Variants in MYL1 observed in about 807,000 individuals in gnomAD.
The protein encoded by MYL1 is myosin light chain 1.
A neutral mutation model predicts 21.8 loss-of-function variants in MYL1; 16 were observed. That is an observed-to-expected ratio of 0.74 (90% CI 0.50 to 1.12). The LOEUF (loss-of-function observed/expected upper bound fraction) is 1.12. Ranked by LOEUF, MYL1 falls within the 50% of genes most tolerant of loss-of-function variation. MYL1 has a pLI of 0.00. For missense variants in MYL1, 246 were observed against 241.0 expected, an observed-to-expected ratio of 1.02 and a Z score of -0.14; for synonymous variants, 99 against 85.2, an observed-to-expected ratio of 1.16 and a Z score of -0.89.
At chr2:210,301,959 A>T (rs1174420594) in intron 2 of MYL1, among the ~76,000 whole-genome samples, 1 of 152,188 alleles carries the variant, frequency 6.6e-6, no homozygotes, top group Non-Finnish European at 1.5e-5. Context: ...ACCAGGAGAC[A>T]TTTAATGTTC....
At chr2:210,306,889 T>C (rs1248363897) in intron 1 of MYL1, among the ~76,000 whole-genome samples, 3 of 150,848 alleles carry the variant, frequency 2.0e-5, no homozygotes, top group Non-Finnish European at 4.4e-5. Context: ...GGGGTTATCA[T>C]GATGGGGTAA....
chr2:210,303,991 T>C (rs1422680956), intron 1 of MYL1, among the ~76,000 whole-genome samples: 1 of 152,158 alleles, frequency 6.6e-6, no homozygotes, highest in Non-Finnish European at 1.5e-5. Flanking sequence ...CAAGTTTTGG[T>C]ATTAATGCAA....
chr2:210,303,606 G>A (rs1440605720), intron 1 of MYL1: 4 of 1,595,622 alleles, frequency 2.5e-6, no homozygotes, highest in Non-Finnish European at 3.4e-6. Flanking sequence ...GGCTGCTCCG[G>A]TCCCTGAGTG....
intron 1 of MYL1, chr2:210,303,415 TACTAAAG>T: frequency 1.4e-6 from 1 of 735,722 alleles, no homozygotes; most frequent in Admixed American, 3.5e-5. Context: ...CAAAAGTAGA[TACTAAAG>T]ACTCATATTG....
chr2:210,308,094 A>T (rs2125743891), intron 1 of MYL1, among the ~76,000 whole-genome samples: 1 of 152,148 alleles, frequency 6.6e-6, no homozygotes, highest in African/African-American at 2.4e-5. Context: ...TACAATGGGG[A>T]TTAATGACTA....
At chr2:210,310,050 C>G (rs1221399464) in intron 1 of MYL1, among the ~76,000 whole-genome samples, 1 of 152,022 alleles carries the variant, frequency 6.6e-6, no homozygotes, top group Non-Finnish European at 1.5e-5. Flanking sequence ...AAATGTGATA[C>G]TGATACCTAG....
intron 1 of MYL1, chr2:210,303,725 T>C: frequency 2.8e-6 from 2 of 709,240 alleles, no homozygotes; most frequent in Non-Finnish European, 4.3e-6. Context: ...GTTCTTTAGC[T>C]TTCTTAGGGC....
chr2:210,312,548 A>G (rs1006946846), intron 1 of MYL1, among the ~76,000 whole-genome samples: 1 of 151,896 alleles, frequency 6.6e-6, no homozygotes, highest in Non-Finnish European at 1.5e-5. Flanking sequence ...AAAATTCTTG[A>G]GTTGTATCAC....
Position 210,291,054 on chromosome 2 carries a change from A to G in MYL1, c.577T>C (p.Ser193Pro). The G allele has an allele frequency of 6.2e-7, 1 of 1,609,702 alleles. No individual in the cohort carries two copies. Among genetic ancestry groups the G allele is most frequent in the Non-Finnish European group, 8.5e-7 (1 of 1,176,502 alleles). Residue 193 changes from serine (S) to proline (P), a missense_variant, in exon 6 of 7, where the codon TCT (serine) becomes CCT (proline). Coordinates refer to ENST00000352451, the MANE Select transcript of MYL1 (RefSeq NM_079420.3). The part of the protein sequence containing the change: ...NYEAFVKHIM[S>P]I ...TACCTTGAGAGCTCCATTCAGATAG[A>G]CATGATGTGCTTGACAAAAGCTGTA...
At chr2:210,307,065 C>A (rs995282545) in intron 1 of MYL1, among the ~76,000 whole-genome samples, 1 of 152,130 alleles carries the variant, frequency 6.6e-6, no homozygotes, top group African/African-American at 2.4e-5. Context: ...ATTAAATATG[C>A]AACAAGCCCT....
chr2:210,314,494 C>T (rs1485067325), intron 1 of MYL1, among the ~76,000 whole-genome samples: 1 of 152,152 alleles, frequency 6.6e-6, no homozygotes, highest in East Asian at 1.9e-4. Flanking sequence ...TGTTTTTAAA[C>T]TTCTGGAAAT....
At chr2:210,305,670 T>G (rs1320938572) in intron 1 of MYL1, among the ~76,000 whole-genome samples, 2 of 152,182 alleles carry the variant, frequency 1.3e-5, no homozygotes, top group Non-Finnish European at 2.9e-5. Context: ...TTTTCATATT[T>G]AATAATTTTT....
chr2:210,311,404 G>A (rs562475527), intron 1 of MYL1, among the ~76,000 whole-genome samples: 1 of 152,108 alleles, frequency 6.6e-6, no homozygotes, highest in East Asian at 1.9e-4. Flanking sequence ...ATCTTCCCAG[G>A]CATGTGGTCA....
chr2:210,312,462 A>T (rs1002513060), intron 1 of MYL1, among the ~76,000 whole-genome samples: 2 of 151,948 alleles, frequency 1.3e-5, no homozygotes, highest in Non-Finnish European at 2.9e-5. Context: ...AAGTGATTAA[A>T]AACATCATAA....
At chr2:210,295,492 A>G (rs933259947) in intron 3 of MYL1, among the ~76,000 whole-genome samples, 2 of 151,946 alleles carry the variant, frequency 1.3e-5, no homozygotes, top group South Asian at 2.1e-4. Flanking sequence ...AAACAAAACC[A>G]AAAAAGGCCA....
chr2:210,300,728 TTAAA>T (rs1394155819), intron 2 of MYL1, among the ~76,000 whole-genome samples: 4 of 152,102 alleles, frequency 2.6e-5, no homozygotes, highest in South Asian at 2.1e-4. Context: ...TAATTAAAGT[TTAAA>T]TAGCCACATG....
chr2:210,315,109 C>G lies in MYL1; in HGVS notation c.-67G>C. ...TCCAAAAGAACCTGTCAAAATGATT[C>G]TTGGAAGAGGAGTGGTGGTTGGGTT... On this transcript the variant is annotated 5_prime_UTR_variant, in exon 1 of 7. Transcript: ENST00000352451. 1 of 1,570,224 alleles carries G rather than the reference C, an allele frequency of 6.4e-7. No individual in the cohort carries two copies. The highest frequency in any genetic ancestry group is 1.2e-5 in the South Asian group (1 of 84,260).
chr2:210,312,308 A>G (rs561984809), intron 1 of MYL1, among the ~76,000 whole-genome samples: 1 of 152,078 alleles, frequency 6.6e-6, no homozygotes, highest in African/African-American at 2.4e-5. Flanking sequence ...GAAAGTTTAT[A>G]ATCCAATTAA....
intron 1 of MYL1, 185 bp from the exon 2 acceptor site, chr2:210,302,700 T>C (rs980270408): frequency 4.8e-5 from 74 of 1,540,542 alleles, no homozygotes; most frequent in Middle Eastern, 3.4e-4. Context: ...GCCTTGAAGA[T>C]AAGTAATATT....
Sources: allele counts gnomAD v4.1 joint callset (sites outside exome capture counted in the v4.1 genomes callset), GRCh38; gene constraint gnomAD v4.1.1; transcripts MANE v1.5; gene names NCBI Gene and HGNC (gene_info 2026-07-23, HGNC 2026-07-21).